Variants in TSHZ2 observed in about 807,000 individuals in gnomAD.
TSHZ2 encodes teashirt homolog 2.
In TSHZ2, 21 loss-of-function variants were observed where a neutral mutation model predicts 74.4. The ratio of observed to expected loss-of-function variants is 0.28; its 90% CI spans 0.20 to 0.41. The LOEUF (loss-of-function observed/expected upper bound fraction) is 0.41, where lower values mean the gene tolerates loss of function less well. TSHZ2 is among the 10% of genes least tolerant of loss of function. TSHZ2 has a pLI of 1.00. For synonymous variants in TSHZ2, 540 were observed against 515.3 expected (o/e 1.05, Z -0.65); for missense variants, 1,244 against 1,293.5 (o/e 0.96, Z 0.59).
At chr20:53,051,453 GCACGCACACACA>G (rs1297985111) in intron 1 of TSHZ2, among the ~76,000 whole-genome samples, 4 of 103,066 alleles carry the variant, frequency 3.9e-5, no homozygotes, top group South Asian at 6.9e-4. Context: ...ACTCTGTGGC[GCACGCACACACA>G]CACACACACA....
At chr20:53,208,815 G>T (rs530762912) in intron 1 of TSHZ2, 8 of 152,370 alleles carry the variant, frequency 5.3e-5, no homozygotes, top group Admixed American at 5.2e-4. Context: ...ACAAAGGTGT[G>T]TTTGTTTTAT....
intron 1 of TSHZ2, among the ~76,000 whole-genome samples, chr20:53,105,797 C>T (rs1045423011): frequency 2.0e-5 from 3 of 152,082 alleles, no homozygotes; most frequent in Non-Finnish European, 4.4e-5. Context: ...CAGGCACACC[C>T]CACCATGCTC....
intron 2 of TSHZ2, among the ~76,000 whole-genome samples, chr20:53,470,381 A>G (rs961558644): frequency 6.6e-6 from 1 of 152,268 alleles, no homozygotes; most frequent in Non-Finnish European, 1.5e-5. Context: ...AATGAAATTC[A>G]GCAATGTAGA....
At chr20:53,201,031 A>G (rs969772128) in intron 1 of TSHZ2, among the ~76,000 whole-genome samples, 5 of 151,828 alleles carry the variant, frequency 3.3e-5, no homozygotes, top group African/African-American at 1.2e-4. Context: ...TTTTTTTAAG[A>G]AAAAAAGAAA....
At chr20:53,378,858 A>G (rs1395428788) in intron 2 of TSHZ2, among the ~76,000 whole-genome samples, 1 of 152,202 alleles carries the variant, frequency 6.6e-6, no homozygotes, top group Non-Finnish European at 1.5e-5. Context: ...AAAACCACTA[A>G]AGAAAAATAA....
At chr20:53,430,909 C>T (rs1431814757) in intron 2 of TSHZ2, among the ~76,000 whole-genome samples, 1 of 152,058 alleles carries the variant, frequency 6.6e-6, no homozygotes, top group East Asian at 1.9e-4. Flanking sequence ...GTATGCGTCT[C>T]CACGCCCAGC....
At chr20:53,230,395 C>G (rs1004734719) in intron 1 of TSHZ2, among the ~76,000 whole-genome samples, 2 of 152,130 alleles carry the variant, frequency 1.3e-5, no homozygotes, top group African/African-American at 4.8e-5. Context: ...CCTCAAATAA[C>G]CATTCACATC....
intron 1 of TSHZ2, among the ~76,000 whole-genome samples, chr20:53,052,105 G>A (rs946700318): frequency 6.6e-6 from 1 of 152,126 alleles, no homozygotes; most frequent in African/African-American, 2.4e-5. Context: ...CAAAACTAAA[G>A]CTCTATACCC....
intron 1 of TSHZ2, among the ~76,000 whole-genome samples, chr20:53,216,996 T>C (rs1288807127): frequency 6.6e-6 from 1 of 152,212 alleles, no homozygotes; most frequent in Non-Finnish European, 1.5e-5. Flanking sequence ...CGTGTCTTTC[T>C]GTTCCTGAGC....
At chr20:53,480,326 C>T (rs1986116707) in intron 2 of TSHZ2, among the ~76,000 whole-genome samples, 1 of 151,908 alleles carries the variant, frequency 6.6e-6, no homozygotes, top group Non-Finnish European at 1.5e-5. Context: ...GCCTCAGCCT[C>T]CCAAAGTGCT....
At chr20:53,403,235 A>G (rs909780518) in intron 2 of TSHZ2, among the ~76,000 whole-genome samples, 1 of 152,178 alleles carries the variant, frequency 6.6e-6, no homozygotes. Flanking sequence ...ACAAGATTTC[A>G]TTCCTTTTTA....
At position 53,137,839 on chromosome 20, in the gene TSHZ2, G is replaced by A. The variant is rs531887640; in HGVS notation, c.41-115660G>A. On this transcript the variant is annotated intron_variant, in intron 1 of 2. Coordinates refer to ENST00000371497, the MANE Select transcript of TSHZ2 (RefSeq NM_173485.6). ...TCCAAACAATATTTCCACAAGTGTA[G>A]CGGATAAGATGCTTTGGAGGAACAT... Among the ~76,000 whole-genome samples the A allele has an allele frequency of 9.8e-5, 15 of 152,292 alleles. No homozygotes were observed. In the East Asian group the frequency reaches 2.5e-3, roughly 25 times the overall value.
At chr20:53,482,183 A>C (rs2145856679) in intron 2 of TSHZ2, among the ~76,000 whole-genome samples, 1 of 152,110 alleles carries the variant, frequency 6.6e-6, no homozygotes, top group South Asian at 2.1e-4. Flanking sequence ...ATCACTAATA[A>C]TGTCAATGTT....
intron 2 of TSHZ2, among the ~76,000 whole-genome samples, chr20:53,371,388 A>T (rs781691353): frequency 6.6e-6 from 1 of 152,254 alleles, no homozygotes; most frequent in Non-Finnish European, 1.5e-5. Flanking sequence ...GAGAGAGTTC[A>T]TACGGGTTTC....
intron 1 of TSHZ2, among the ~76,000 whole-genome samples, chr20:53,078,769 C>T (rs1449373071): frequency 2.0e-5 from 3 of 152,016 alleles, no homozygotes; most frequent in Non-Finnish European, 4.4e-5. Context: ...ATCAATAGAG[C>T]TTGGCTATAT....
intron 1 of TSHZ2, among the ~76,000 whole-genome samples, chr20:53,126,271 G>A (rs149165773): frequency 5.9e-5 from 9 of 152,326 alleles, no homozygotes; most frequent in East Asian, 5.8e-4. Context: ...ATGCCTGTGC[G>A]ATCACACAGC....
intron 2 of TSHZ2, among the ~76,000 whole-genome samples, chr20:53,280,218 G>T (rs16997860): frequency 6.6e-6 from 1 of 152,046 alleles, no homozygotes; most frequent in East Asian, 1.9e-4. Context: ...GCATATGAAG[G>T]CCTCAACAAA....
chr20:53,114,990 C>A (rs1334741313), intron 1 of TSHZ2, among the ~76,000 whole-genome samples: 1 of 152,180 alleles, frequency 6.6e-6, no homozygotes, highest in African/African-American at 2.4e-5. Context: ...AGTGTTAATT[C>A]TCAGTGGCTG....
At chr20:53,175,613 G>A (rs996300999) in intron 1 of TSHZ2, among the ~76,000 whole-genome samples, 1 of 152,216 alleles carries the variant, frequency 6.6e-6, no homozygotes, top group Admixed American at 6.5e-5. Context: ...AGTCAGGTCA[G>A]TCTTCTCATC....
Sources: allele counts gnomAD v4.1 joint callset (sites outside exome capture counted in the v4.1 genomes callset), GRCh38; gene constraint gnomAD v4.1.1; transcripts MANE v1.5; gene names NCBI Gene and HGNC (gene_info 2026-07-23, HGNC 2026-07-21).